The following XPR1 variants were observed in gnomAD, a reference collection of about 807,000 sequenced individuals.
XPR1 encodes xenotropic and polytropic retrovirus receptor 1, also known as solute carrier family 53 member 1.
A neutral mutation model predicts 87.5 loss-of-function variants in XPR1; 28 were observed. The observed-to-expected ratio is 0.32, with a 90% CI of 0.24 to 0.44. The LOEUF is 0.44. XPR1 is among the 20% of genes least tolerant of loss of function. The pLI, the probability that XPR1 is intolerant of heterozygous loss-of-function variation, is 1.00. For missense variants in XPR1, 559 were observed against 862.3 expected (o/e 0.65, Z 4.41); for synonymous variants, 300 against 306.1 (o/e 0.98, Z 0.21).
chr1:180,706,847 T>C (rs1055916808), intron 2 of XPR1, among the ~76,000 whole-genome samples: 1 of 152,188 alleles, frequency 6.6e-6, no homozygotes, highest in African/African-American at 2.4e-5. Flanking sequence ...CTCGAACTCC[T>C]GACCTCGTGA....
intron 7 of XPR1, among the ~76,000 whole-genome samples, chr1:180,816,728 T>C (rs1182239198): frequency 6.6e-6 from 1 of 152,196 alleles, no homozygotes. Context: ...TAAACAAACA[T>C]ATTGCACTGC....
At chr1:180,651,462 C>G (rs1005399332) in intron 1 of XPR1, among the ~76,000 whole-genome samples, 72 of 152,260 alleles carry the variant, frequency 4.7e-4, no homozygotes, top group African/African-American at 1.7e-3. Context: ...GAGGCACATT[C>G]CCCTGTTCCA....
At chr1:180,856,416 G>C (rs1377662979) in intron 11 of XPR1, among the ~76,000 whole-genome samples, 6 of 152,104 alleles carry the variant, frequency 3.9e-5, no homozygotes, top group African/African-American at 1.4e-4. Flanking sequence ...CATAGAAAGA[G>C]CTTCTAAATT....
At chr1:180,781,392 T>C (rs1179297270) in intron 2 of XPR1, among the ~76,000 whole-genome samples, 1 of 151,940 alleles carries the variant, frequency 6.6e-6, no homozygotes, top group Admixed American at 6.6e-5. Context: ...GAATGGAACA[T>C]TAAAGATATT....
intron 9 of XPR1, among the ~76,000 whole-genome samples, chr1:180,826,312 G>A (rs1252974604): frequency 1.3e-5 from 2 of 151,990 alleles, no homozygotes; most frequent in Non-Finnish European, 2.9e-5. Context: ...GTATTCGGGA[G>A]GCTGAGGTGA....
chr1:180,763,845 C>T (rs1311643122), intron 2 of XPR1, among the ~76,000 whole-genome samples: 1 of 152,132 alleles, frequency 6.6e-6, no homozygotes. Flanking sequence ...ACTTCCTGGT[C>T]CCTCAGTTGC....
At chr1:180,777,117 A>T (rs1648753449) in intron 2 of XPR1, among the ~76,000 whole-genome samples, 3 of 152,216 alleles carry the variant, frequency 2.0e-5, no homozygotes, top group South Asian at 4.1e-4. Context: ...TGCTCAAGCT[A>T]ATATAGGTAG....
chr1:180,843,398 C>G (rs1292429572), intron 11 of XPR1, among the ~76,000 whole-genome samples: 1 of 151,986 alleles, frequency 6.6e-6, no homozygotes, highest in East Asian at 1.9e-4. Flanking sequence ...TGATATATTT[C>G]TGCTGTAATT....
intron 1 of XPR1, among the ~76,000 whole-genome samples, chr1:180,650,326 C>T (rs1451171427): frequency 1.3e-5 from 2 of 152,034 alleles, no homozygotes; most frequent in Non-Finnish European, 2.9e-5. Context: ...GTCTTGAACT[C>T]CTGAGCTGTA....
chr1:180,850,599 T>C (rs1651832925), intron 11 of XPR1, among the ~76,000 whole-genome samples: 1 of 152,220 alleles, frequency 6.6e-6, no homozygotes, highest in South Asian at 2.1e-4. Context: ...GAAAAAAGTT[T>C]CTGCCCATAT....
chr1:180,662,860 G>C (rs1410110473), intron 1 of XPR1, among the ~76,000 whole-genome samples: 5 of 151,860 alleles, frequency 3.3e-5, no homozygotes, highest in African/African-American at 4.8e-5. Context: ...TTTACAAATA[G>C]CCTGTCTTTA....
chr1:180,633,082 A>G (rs549766647), intron 1 of XPR1, among the ~76,000 whole-genome samples: 2 of 152,220 alleles, frequency 1.3e-5, no homozygotes, highest in Non-Finnish European at 2.9e-5. Context: ...ATTGTAAACA[A>G]TATACCTTAC....
chr1:180,697,021 C>T (rs1055474308), intron 2 of XPR1, among the ~76,000 whole-genome samples: 3 of 152,028 alleles, frequency 2.0e-5, no homozygotes, highest in East Asian at 1.9e-4. Context: ...GAGTTTTCTC[C>T]TCTCCAGTTT....
At position 180,886,527 on chromosome 1, in the gene XPR1, T is replaced by C. The variant is rs1404868983; in HGVS notation, c.*2461T>C. On this transcript the variant is annotated 3_prime_UTR_variant, in exon 15 of 15. Coordinates refer to ENST00000367590, the MANE Select transcript of XPR1 (RefSeq NM_004736.4). Reference sequence around the variant, plus strand: ...TCTAGGCCCTAATCGGTCTTATTCTTTCACATATGATGCAATGATAGATGT... The same window carrying C: ...TCTAGGCCCTAATCGGTCTTATTCTCTCACATATGATGCAATGATAGATGT... 2 of 152,238 alleles carry C rather than the reference T, an allele frequency of 1.3e-5. No homozygotes were observed. Among genetic ancestry groups the C allele is most frequent in the Non-Finnish European group, 2.9e-5 (2 of 68,040 alleles). 9.4% of individuals were successfully genotyped at this position (152,238 alleles called of 1,614,324 possible). A position where few individuals can be genotyped will look rare whatever the true frequency, so the allele number is the denominator to read the frequency against.
intron 2 of XPR1, among the ~76,000 whole-genome samples, chr1:180,758,425 T>C (rs191168165): frequency 6.6e-5 from 10 of 152,232 alleles, no homozygotes; most frequent in African/African-American, 2.2e-4. Flanking sequence ...ATGGTAAAGA[T>C]GGACCAGCCA....
intron 9 of XPR1, among the ~76,000 whole-genome samples, chr1:180,825,593 T>A (rs932795471): frequency 6.6e-6 from 1 of 152,184 alleles, no homozygotes; most frequent in Non-Finnish European, 1.5e-5. Flanking sequence ...CTAGCTGTGA[T>A]AAGATGTAGA....
chr1:180,860,829 G>A (rs1042877702), intron 11 of XPR1, among the ~76,000 whole-genome samples: 2 of 151,816 alleles, frequency 1.3e-5, no homozygotes, highest in Non-Finnish European at 2.9e-5. Context: ...AATAACATGG[G>A]CTTGCAAGAG....
At chr1:180,863,348 T>G (rs1297567101) in intron 11 of XPR1, among the ~76,000 whole-genome samples, 1 of 152,126 alleles carries the variant, frequency 6.6e-6, no homozygotes, top group Admixed American at 6.5e-5. Context: ...TCAGGAATCT[T>G]TTTCATATTT....
At position 180,887,240 on chromosome 1, in the gene XPR1, A is replaced by G. The variant is rs968468895; in HGVS notation, c.*3174A>G. ...AGGAGCAGCAACCTAACCAAATACA[A>G]ACTTCATTTGATTTTAGGTTTAGAA... On this transcript the variant is annotated 3_prime_UTR_variant, in exon 15 of 15. Coordinates refer to ENST00000367590, the MANE Select transcript of XPR1 (RefSeq NM_004736.4). 6.6e-6 allele frequency: 1 copy of G among 152,198 alleles called. No individual in the cohort carries two copies. Among genetic ancestry groups the G allele is most frequent in the African/African-American group, 2.4e-5 (1 of 41,450 alleles). The allele number at this position is 152,198 out of a possible 1,614,324, so 9.4% of individuals were successfully genotyped here. A position where few individuals can be genotyped will look rare whatever the true frequency, so the allele number is the denominator to read the frequency against.
Sources: allele counts gnomAD v4.1 joint callset (sites outside exome capture counted in the v4.1 genomes callset), GRCh38; gene constraint gnomAD v4.1.1; transcripts MANE v1.5; gene names NCBI Gene and HGNC (gene_info 2026-07-23, HGNC 2026-07-21).